The following CDON variants were observed in gnomAD, a reference collection of about 807,000 sequenced individuals.
CDON encodes cell adhesion molecule-related/down-regulated by oncogenes.
A neutral mutation model predicts 120.9 loss-of-function variants in CDON; 73 were observed. The ratio of observed to expected loss-of-function variants is 0.60; its 90% confidence interval spans 0.50 to 0.73. CDON has a LOEUF of 0.73. CDON is among the 30% of genes least tolerant of loss of function. CDON has a pLI of 0.00. For synonymous variants in CDON, 566 were observed against 573.5 expected, an observed-to-expected ratio of 0.99 and a Z score of 0.19; for missense variants, 1,470 against 1,587.3, an observed-to-expected ratio of 0.93 and a Z score of 1.26.
chr11:126,016,197 T>A (rs1192766191), intron 6 of CDON, among the ~76,000 whole-genome samples: 1 of 152,214 alleles, frequency 6.6e-6, no homozygotes, highest in East Asian at 1.9e-4. Context: ...AAAGTTTTAT[T>A]CACTATGAAA....
rs1019684894 is a variant in CDON, at chr11:125,961,954, G to A, written c.3401C>T (p.Pro1134Leu). ...ATAAGGTGCTACCACAGGGACCACAGGAGGAGGGCTGCTGCTGAAAGTGCT... is the reference window on the plus strand; with the variant it reads ...ATAAGGTGCTACCACAGGGACCACAAGAGGAGGGCTGCTGCTGAAAGTGCT... ...TNSTFSSSPP[P>L]VVPVVAPYPQ... The change falls in exon 19 of 20, where the codon CCT (proline) becomes CTT (leucine). Residue 1134 changes from proline (P) to leucine (L), a missense_variant. Transcript: ENST00000531738. 2 of 1,614,252 alleles carry A rather than the reference G, an allele frequency of 1.2e-6. No homozygotes were observed. Among genetic ancestry groups the A allele is most frequent in the East Asian group, 2.2e-5 (1 of 44,888 alleles).
intron 1 of CDON, among the ~76,000 whole-genome samples, chr11:126,028,298 T>C (rs1947850279): frequency 6.6e-6 from 1 of 152,188 alleles, no homozygotes; most frequent in Non-Finnish European, 1.5e-5. Context: ...GGTATTTACA[T>C]AATTGTGATA....
At chr11:126,055,071 G>A (rs186036458) in intron 1 of CDON, among the ~76,000 whole-genome samples, 5 of 152,286 alleles carry the variant, frequency 3.3e-5, no homozygotes, top group African/African-American at 4.8e-5. Flanking sequence ...AAGCAGTCAC[G>A]TGATCACATA....
intron 1 of CDON, among the ~76,000 whole-genome samples, chr11:126,045,048 C>T (rs916160516): frequency 2.6e-5 from 4 of 151,804 alleles, no homozygotes; most frequent in African/African-American, 7.3e-5. Context: ...GAGAGAGAGA[C>T]GGAGTCTTGC....
At chr11:125,990,920 C>T (rs561502563) in intron 14 of CDON, among the ~76,000 whole-genome samples, 1 of 152,056 alleles carries the variant, frequency 6.6e-6, no homozygotes, top group African/African-American at 2.4e-5. Flanking sequence ...GTAAAAAGGA[C>T]CCCCCAAAAG....
chr11:125,968,421 G>C (rs573351962), intron 18 of CDON, among the ~76,000 whole-genome samples: 3 of 152,246 alleles, frequency 2.0e-5, no homozygotes, highest in South Asian at 4.1e-4. Context: ...TTTACACATG[G>C]GGCAGGACTG....
At chr11:126,059,995 C>T (rs186541222) in intron 1 of CDON, among the ~76,000 whole-genome samples, 20 of 151,062 alleles carry the variant, frequency 1.3e-4, no homozygotes, top group Admixed American at 1.3e-3. Context: ...TTTCAAGTGA[C>T]ATTAAGAATA....
chr11:126,043,721 A>G (rs1458394786), intron 1 of CDON, among the ~76,000 whole-genome samples: 1 of 152,228 alleles, frequency 6.6e-6, no homozygotes, highest in Non-Finnish European at 1.5e-5. Flanking sequence ...TAAGCAAAAG[A>G]AAGGCCTTGA....
Position 125,981,970 on chromosome 11 carries a change from CTTTTTTTTTTTTTTT to C in CDON, c.2996-656_2996-642del, listed in dbSNP as rs61446837. Reference sequence around the variant, plus strand: ...CAAAGGCAAAAAGTGATTCTATTTTCTTTTTTTTTTTTTTTTTTTTTTTTTTTTTTGAGATGGAGT... The same window carrying C: ...CAAAGGCAAAAAGTGATTCTATTTTCTTTTTTTTTTTTTTTGAGATGGAGT... On this transcript the variant is annotated intron_variant, in intron 16 of 19. Coordinates refer to ENST00000531738, the MANE Select transcript of CDON (RefSeq NM_001378964.1). Among the ~76,000 whole-genome samples the C allele has an allele frequency of 2.8e-4, 15 of 54,290 alleles. 1 individual carries two copies. Among genetic ancestry groups the C allele is most frequent in the African/African-American group, 8.0e-4 (10 of 12,436 alleles). The allele number at this position is 54,290 out of a possible 152,430, so 35.6% of individuals were successfully genotyped here. A position where few individuals can be genotyped will look rare whatever the true frequency, so the allele number is the denominator to read the frequency against.
chr11:126,061,083 TCAAA>T (rs1176001633), intron 1 of CDON, among the ~76,000 whole-genome samples: 1 of 152,214 alleles, frequency 6.6e-6, no homozygotes, highest in Non-Finnish European at 1.5e-5. Context: ...ACTAAACTAT[TCAAA>T]CAAAGACAGA....
chr11:126,022,316 G>A (rs1320268996), intron 2 of CDON, among the ~76,000 whole-genome samples: 2 of 152,054 alleles, frequency 1.3e-5, no homozygotes, highest in Non-Finnish European at 1.5e-5. Flanking sequence ...CTTCCCTTCA[G>A]TATAAAACAA....
At position 126,018,380 on chromosome 11, in the gene CDON, A is replaced by T; in HGVS notation, c.590T>A (p.Val197Asp). The T allele has an allele frequency of 6.2e-7, 1 of 1,614,036 alleles. No individual in the cohort carries two copies. Among genetic ancestry groups the T allele is most frequent in the Non-Finnish European group, 8.5e-7 (1 of 1,179,932 alleles). Residue 197 changes from valine to aspartate, a missense_variant, in exon 5 of 20, where the codon GTC becomes GAC. Coordinates refer to ENST00000531738, the MANE Select transcript of CDON (RefSeq NM_001378964.1). ...AGGTTCAACTTTTAATTGATGTGTG[A>T]CAGGATTATAAGCTGCACATTTGTA... ...GSYKCAAYNP[V>D]THQLKVEPIG... is the part of the protein sequence containing the mutation.
intron 11 of CDON, among the ~76,000 whole-genome samples, chr11:125,999,539 G>T (rs927289590): frequency 2.0e-5 from 3 of 152,094 alleles, no homozygotes; most frequent in African/African-American, 4.8e-5. Context: ...ATCTTTTCTT[G>T]TGGTTATTTC....
intron 8 of CDON, among the ~76,000 whole-genome samples, chr11:126,006,610 A>G (rs1447430766): frequency 2.0e-5 from 3 of 152,166 alleles, no homozygotes; most frequent in Non-Finnish European, 1.5e-5. Context: ...TTGAGGCTGC[A>G]GTGAGCCATG....
At chr11:126,033,040 T>C (rs563985312) in intron 1 of CDON, among the ~76,000 whole-genome samples, 1 of 152,232 alleles carries the variant, frequency 6.6e-6, no homozygotes, top group Non-Finnish European at 1.5e-5. Context: ...TGAGTTGGAC[T>C]GGAAAAGAAT....
Position 125,960,934 on chromosome 11 carries a change from G to T in CDON, c.*8C>A, listed in dbSNP as rs1945624246. 6.2e-7 allele frequency: 1 copy of T among 1,613,816 alleles called. No homozygotes were observed. Among genetic ancestry groups the T allele is most frequent in the South Asian group, 1.1e-5 (1 of 91,060 alleles). On this transcript the variant is annotated 3_prime_UTR_variant, in exon 20 of 20. Transcript: ENST00000531738. ...GAAGTTGGAACATGACTGGTTGTTT[G>T]CATGTCCTCAGGTTTCCCGGGGCTG...
chr11:125,971,234 T>C (rs1448939009), intron 18 of CDON, among the ~76,000 whole-genome samples: 5 of 151,806 alleles, frequency 3.3e-5, no homozygotes, highest in Non-Finnish European at 5.9e-5. Context: ...ACATAAAAAA[T>C]TAGCTGGGTG....
At chr11:125,988,392 T>A (rs2134484517) in intron 15 of CDON, among the ~76,000 whole-genome samples, 1 of 152,298 alleles carries the variant, frequency 6.6e-6, no homozygotes, top group African/African-American at 2.4e-5. Context: ...TTTTTTTCTT[T>A]TGAGACAAGG....
chr11:125,958,565 A>ATATATATGTGTGTGTGTGTG lies in CDON; in HGVS notation c.*2376_*2377insCACACACACACACATATATA, dbSNP rs371911236. 2 of 130,084 alleles carry ATATATATGTGTGTGTGTGTG rather than the reference A, an allele frequency of 1.5e-5. No individual in the cohort carries two copies. Among genetic ancestry groups the ATATATATGTGTGTGTGTGTG allele is most frequent in the African/African-American group, 5.7e-5 (2 of 34,844 alleles). 8.1% of individuals were successfully genotyped at this position (130,084 alleles called of 1,614,324 possible). On this transcript the variant is annotated 3_prime_UTR_variant, in exon 20 of 20. Transcript: ENST00000531738. ...AAGGCAATTATATATATATATATAT[A>ATATATATGTGTGTGTGTGTG]TGTGTGTGTGTGTGTGTGTGTGTGT...
Sources: gnomAD v4.1 joint callset for allele counts (sites outside exome capture counted in the v4.1 genomes callset) on GRCh38, gnomAD v4.1.1 for gene constraint, MANE v1.5 for transcripts, NCBI Gene and HGNC (gene_info 2026-07-23, HGNC 2026-07-21) for gene names.